GSE1: variants seen among roughly 807,000 people sequenced by gnomAD.
GSE1 encodes Gse1 coiled-coil protein, also known as genetic suppressor element 1.
Under a neutral mutation model 112.6 loss-of-function variants are expected in GSE1, and 32 were observed. The observed-to-expected ratio is 0.28, with a 90% confidence interval of 0.21 to 0.38. GSE1 has a LOEUF of 0.38. Ranked by LOEUF, GSE1 falls within the 10% of genes least tolerant of loss-of-function variation. The pLI is 1.00. For synonymous variants in GSE1, 1,115 were observed against 735.6 expected, an observed-to-expected ratio of 1.52 and a Z score of -8.35; for missense variants, 2,348 against 1,699.2, an observed-to-expected ratio of 1.38 and a Z score of -6.71.
chr16:85,279,892 C>T (rs749809023), intron 1 of GSE1, among the ~76,000 whole-genome samples: 5 of 152,276 alleles, frequency 3.3e-5, no homozygotes, highest in African/African-American at 9.6e-5. Flanking sequence ...GAGCAAACTC[C>T]GGCGGCGTCA....
In GSE1 at chr16:85,656,507, TGGAGCGCCAGCG is replaced by T. The variant is rs2051966405; in HGVS notation, c.1160_1171del (p.Arg387_Glu390del). On this transcript the variant is annotated inframe_deletion, in exon 7 of 16. Coordinates refer to ENST00000253458, the MANE Select transcript of GSE1 (RefSeq NM_014615.5). ...CGTGAGAAGGAGCGCGAGCGCGAGC[TGGAGCGCCAGCG>T]GGAGCAGCGGGCCCGGGAGAAGGAG... The T allele has an allele frequency of 1.3e-6, 2 of 1,547,878 alleles. No individual in the cohort carries two copies. Among genetic ancestry groups the T allele is most frequent in the Non-Finnish European group, 8.7e-7 (1 of 1,145,312 alleles).
chr16:85,489,442 C>G (rs1037992195), intron 2 of GSE1, among the ~76,000 whole-genome samples: 1 of 152,022 alleles, frequency 6.6e-6, no homozygotes, highest in Non-Finnish European at 1.5e-5. Flanking sequence ...TTCTCAGAAC[C>G]GCTGCAGAAG....
rs140593359 is a variant in GSE1 at position 85,367,644 on chromosome 16, G to A, written c.2464+10001G>A. 6.4e-3 allele frequency among the ~76,000 whole-genome samples: 981 copies of A among 152,300 alleles called. 9 individuals carry two copies. The highest frequency in any genetic ancestry group is 0.022 in the African/African-American group (894 of 41,570). ...GCGAAGAGCATATGCAAGGGCCCCG[G>A]GGCAGCCAGTGCCTGGCATGCTTAC... On this transcript the variant is annotated intron_variant, in intron 2 of 2. Transcript: ENST00000637419.
chr16:85,450,524 A>G (rs899547977), intron 2 of GSE1, among the ~76,000 whole-genome samples: 5 of 150,444 alleles, frequency 3.3e-5, no homozygotes, highest in Admixed American at 6.6e-5. Flanking sequence ...ATCTCGGCTC[A>G]CTGCAGACTT....
At chr16:85,495,551 C>T (rs1374144392) in intron 2 of GSE1, among the ~76,000 whole-genome samples, 4 of 151,532 alleles carry the variant, frequency 2.6e-5, no homozygotes, top group Non-Finnish European at 4.4e-5. Context: ...GGCTGGGGTG[C>T]AGTGGTGGGA....
chr16:85,216,145 C>T (rs1366265247), intron 1 of GSE1, among the ~76,000 whole-genome samples: 1 of 152,260 alleles, frequency 6.6e-6, no homozygotes, highest in African/African-American at 2.4e-5. Flanking sequence ...CTCTCTCGTT[C>T]TTCCACCATC....
chr16:85,502,246 T>A (rs1360511438), intron 2 of GSE1, among the ~76,000 whole-genome samples: 2 of 152,072 alleles, frequency 1.3e-5, no homozygotes, highest in African/African-American at 4.8e-5. Flanking sequence ...TGCGTGAGGT[T>A]GTAGGACCTA....
Position 85,674,856 on chromosome 16 carries a change from T to G in GSE1, c.*2317T>G, listed in dbSNP as rs757385265. 2 of 152,710 alleles carry G rather than the reference T, an allele frequency of 1.3e-5. No individual in the cohort carries two copies. The highest frequency in any genetic ancestry group is 1.9e-4 in the East Asian group (1 of 5,208). The allele number at this position is 152,710 out of a possible 1,614,324, so 9.5% of individuals were successfully genotyped here. ...CCCACTTCTGCCCGGCCCTTGAGCTTCTTGCCCACTGTCTCCCCATCCTTC... is the reference window on the plus strand; with the variant it reads ...CCCACTTCTGCCCGGCCCTTGAGCTGCTTGCCCACTGTCTCCCCATCCTTC... On this transcript the variant is annotated 3_prime_UTR_variant, in exon 16 of 16. Coordinates refer to ENST00000253458, the MANE Select transcript of GSE1 (RefSeq NM_014615.5).
Position 85,489,599 on chromosome 16 carries a change from T to C in GSE1, c.2464+131956T>C, listed in dbSNP as rs116569134. Among the ~76,000 whole-genome samples the C allele has an allele frequency of 8.9e-3, 1,241 of 139,468 alleles. 17 individuals carry two copies. Among genetic ancestry groups the C allele is most frequent in the African/African-American group, 0.032 (1,195 of 37,750 alleles). The allele number at this position is 139,468 out of a possible 152,430, so 91.5% of individuals were successfully genotyped here. A position where few individuals can be genotyped will look rare whatever the true frequency, so the allele number is the denominator to read the frequency against. On this transcript the variant is annotated intron_variant, in intron 2 of 2. Coordinates refer to the GSE1 transcript ENST00000637419. ...ATAGCACCCACCCCACAAGCCGTGC[T>C]TCATTCGTGAAGTTGCTACGCGGCC...
chr16:85,559,255 C>G (rs2045398204), intron 1 of GSE1, among the ~76,000 whole-genome samples: 1 of 152,228 alleles, frequency 6.6e-6, no homozygotes, highest in African/African-American at 2.4e-5. Flanking sequence ...CTGCCATCCA[C>G]CCACTTATCA....
intron 1 of GSE1, among the ~76,000 whole-genome samples, chr16:85,632,628 G>A (rs970234020): frequency 3.3e-5 from 5 of 152,194 alleles, no homozygotes; most frequent in African/African-American, 1.2e-4. Flanking sequence ...CAGAGGTGGA[G>A]TGGGCTCTGG....
chr16:85,489,737 C>G (rs937297249), intron 2 of GSE1: 3 of 152,314 alleles, frequency 2.0e-5, no homozygotes, highest in African/African-American at 4.8e-5. Flanking sequence ...CATGTCTGCC[C>G]AGAACCTCAG....
chr16:85,585,080 A>T (rs1238394082), intron 1 of GSE1, among the ~76,000 whole-genome samples: 1 of 151,794 alleles, frequency 6.6e-6, no homozygotes, highest in Non-Finnish European at 1.5e-5. Context: ...TTGCGAGGAC[A>T]TTTTCTAAAA....
Position 85,665,145 on chromosome 16 carries a change from C to G in GSE1, c.2758+17C>G. On this transcript the variant is annotated intron_variant, in intron 12 of 15. Coordinates refer to ENST00000253458, the MANE Select transcript of GSE1 (RefSeq NM_014615.5). ...CCCTGAGTGGTAAGGGAAGGATAGC[C>G]CCACCTGCCACCACCCAGGACCATC... The G allele has an allele frequency of 6.8e-7, 1 of 1,462,258 alleles. No homozygotes were observed. The highest frequency in any genetic ancestry group is 1.4e-5 in the African/African-American group (1 of 72,176). The allele number at this position is 1,462,258 out of a possible 1,614,324, so 90.6% of individuals were successfully genotyped here.
At chr16:85,652,680 G>T (rs983429969) in intron 3 of GSE1, among the ~76,000 whole-genome samples, 1 of 152,154 alleles carries the variant, frequency 6.6e-6, no homozygotes, top group East Asian at 1.9e-4. Flanking sequence ...CCGGGTCACC[G>T]TCTGCCGCTA....
rs1408967183 is a variant in GSE1 at position 85,415,781 on chromosome 16, C to A, written c.2464+58138C>A. Among the ~76,000 whole-genome samples the A allele has an allele frequency of 2.0e-5, 3 of 152,194 alleles. No homozygotes were observed. The South Asian group carries it at 6.2e-4, about 31-fold the overall frequency. ...GTGCTGGCTGCCAAGCTGGCAGTGACAGTTTTATTGGCAGGCAGGCCCGCT... is the reference window on the plus strand; with the variant it reads ...GTGCTGGCTGCCAAGCTGGCAGTGAAAGTTTTATTGGCAGGCAGGCCCGCT... On this transcript the variant is annotated intron_variant, in intron 2 of 2. Coordinates refer to the GSE1 transcript ENST00000637419.
At chr16:85,652,554 C>CGGT (rs1043695978) in intron 3 of GSE1, among the ~76,000 whole-genome samples, 1 of 152,032 alleles carries the variant, frequency 6.6e-6, no homozygotes. Context: ...CAGGCGGCGG[C>CGGT]GGCGGCGGCG....
chr16:85,431,126 G>T (rs1437363415), intron 2 of GSE1, among the ~76,000 whole-genome samples: 1 of 152,198 alleles, frequency 6.6e-6, no homozygotes, highest in Non-Finnish European at 1.5e-5. Flanking sequence ...GCTTGGCTCA[G>T]AATTGCACCA....
intron 1 of GSE1, among the ~76,000 whole-genome samples, chr16:85,211,238 C>T (rs139094874): frequency 6.6e-6 from 1 of 152,112 alleles, no homozygotes; most frequent in Non-Finnish European, 1.5e-5. Flanking sequence ...CAAGCTGCCC[C>T]TTCCCATGCC....
Sources: allele counts gnomAD v4.1 joint callset (sites outside exome capture counted in the v4.1 genomes callset), GRCh38; gene constraint gnomAD v4.1.1; transcripts MANE v1.5; gene names NCBI Gene and HGNC (gene_info 2026-07-23, HGNC 2026-07-21).